The following IMPA2 variants were observed in gnomAD, a reference collection of about 807,000 sequenced individuals.
The protein encoded by IMPA2 is inositol monophosphatase 2.
A neutral mutation model predicts 35.1 loss-of-function variants in IMPA2; 32 were observed. The ratio of observed to expected loss-of-function variants is 0.91; its 90% CI spans 0.69 to 1.23. The LOEUF is 1.23. Ranked by LOEUF, IMPA2 falls within the 50% of genes most tolerant of loss-of-function variation. The probability of loss-of-function intolerance (pLI) is 0.00; values close to 1 mark genes in which losing one functional copy is unlikely to be tolerated. For synonymous variants in IMPA2, 135 were observed against 160.6 expected (o/e 0.84, Z 1.20); for missense variants, 334 against 387.6 (o/e 0.86, Z 1.16).
chr18:12,003,650 T>TAAA (rs77016043), intron 2 of IMPA2, among the ~76,000 whole-genome samples: 1 of 80,026 alleles, frequency 1.2e-5, no homozygotes, highest in African/African-American at 6.7e-5. Context: ...GACTCCATCT[T>TAAA]AAAAAAAAAA....
intron 5 of IMPA2, among the ~76,000 whole-genome samples, chr18:12,015,705 C>G (rs933569533): frequency 6.6e-6 from 1 of 152,226 alleles, no homozygotes; most frequent in Non-Finnish European, 1.5e-5. Flanking sequence ...CCTGCCTCAC[C>G]TTCCCTCTCC....
At chr18:12,008,837 A>ACG (rs1907352539) in intron 2 of IMPA2, among the ~76,000 whole-genome samples, 1 of 152,046 alleles carries the variant, frequency 6.6e-6, no homozygotes, top group African/African-American at 2.4e-5. Flanking sequence ...AGCAGGACAG[A>ACG]CGCACACTCA....
rs1320799079 is a variant in IMPA2 at position 12,030,654 on chromosome 18, GT to G, written c.*199del. The G allele has an allele frequency of 2.1e-5, 12 of 579,292 alleles. No homozygotes were observed. Among genetic ancestry groups the G allele is most frequent in the Non-Finnish European group, 3.7e-5 (12 of 325,272 alleles). The allele number at this position is 579,292 out of a possible 1,614,324, so 35.9% of individuals were successfully genotyped here. On this transcript the variant is annotated 3_prime_UTR_variant, in exon 8 of 8. Coordinates refer to ENST00000269159, the MANE Select transcript of IMPA2 (RefSeq NM_014214.3). ...TCTCACCAGGATTTGGTGTTTAGCT[GT>G]TTCTCTCTTTAATCTCACGTAGCCT...
intron 1 of IMPA2, among the ~76,000 whole-genome samples, chr18:11,993,508 A>G (rs998014513): frequency 6.6e-6 from 1 of 152,222 alleles, no homozygotes; most frequent in African/African-American, 2.4e-5. Flanking sequence ...TGTCGCTGGC[A>G]TCAGCACCCT....
chr18:11,983,194 C>G (rs934182804), intron 1 of IMPA2, among the ~76,000 whole-genome samples: 7 of 152,178 alleles, frequency 4.6e-5, no homozygotes, highest in Admixed American at 2.0e-4. Context: ...AAGGAGGACC[C>G]TAAACCTTCC....
intron 5 of IMPA2, among the ~76,000 whole-genome samples, chr18:12,027,671 G>A (rs1907920181): frequency 6.7e-6 from 1 of 149,296 alleles, no homozygotes; most frequent in Non-Finnish European, 1.5e-5. Context: ...GAACCCCTGG[G>A]CTCAACCAAT....
chr18:12,000,408 T>C (rs1474697594), intron 2 of IMPA2, among the ~76,000 whole-genome samples: 1 of 96,162 alleles, frequency 1.0e-5, no homozygotes, highest in Non-Finnish European at 1.9e-5. Context: ...ACTTACCTTC[T>C]TTTTTTTTCC....
chr18:12,026,007 T>C, intron 5 of IMPA2, among the ~76,000 whole-genome samples: 1 of 151,830 alleles, frequency 6.6e-6, no homozygotes, highest in Middle Eastern at 3.4e-3. Context: ...TTCCCCAGAT[T>C]ACCATATTAT....
intron 2 of IMPA2, among the ~76,000 whole-genome samples, chr18:11,999,974 T>G (rs976274418): frequency 1.2e-4 from 18 of 152,138 alleles, no homozygotes; most frequent in African/African-American, 4.3e-4. Context: ...CAAGGGATCT[T>G]TTTTCTTCGT....
chr18:12,003,917 G>A lies in IMPA2; in HGVS notation c.230+4730G>A, dbSNP rs112142624. On this transcript the variant is annotated intron_variant, in intron 2 of 7. Transcript: ENST00000269159. ...TGTCCCTTCTGTGGAGCAGCCTGTT[G>A]GAGCTTCTCTGGGTTGGCCTAGGCC... Among the ~76,000 whole-genome samples the A allele has an allele frequency of 7.0e-3, 1,060 of 152,358 alleles. 9 individuals are homozygous for A. Among genetic ancestry groups the A allele is most frequent in the African/African-American group, 0.023 (977 of 41,582 alleles).
intron 5 of IMPA2, among the ~76,000 whole-genome samples, chr18:12,019,493 C>T (rs1423824407): frequency 6.7e-6 from 1 of 150,174 alleles, no homozygotes; most frequent in East Asian, 2.0e-4. Flanking sequence ...GTCTCAAACT[C>T]CTGACCTGAA....
chr18:11,998,673 C>G (rs1408133982), intron 1 of IMPA2, among the ~76,000 whole-genome samples: 1 of 152,184 alleles, frequency 6.6e-6, no homozygotes, highest in Non-Finnish European at 1.5e-5. Flanking sequence ...TTGGGCCGTT[C>G]TTACAGAGGA....
At chr18:11,982,983 T>C (rs139648525) in intron 1 of IMPA2, among the ~76,000 whole-genome samples, 25 of 152,292 alleles carry the variant, frequency 1.6e-4, no homozygotes, top group Admixed American at 3.3e-4. Flanking sequence ...TGAGTCGTCA[T>C]AAAGTGGATA....
intron 1 of IMPA2, among the ~76,000 whole-genome samples, chr18:11,986,662 C>T (rs1212152013): frequency 6.6e-6 from 1 of 152,198 alleles, no homozygotes; most frequent in East Asian, 1.9e-4. Context: ...AGTGACGTAA[C>T]ACTGAAAGCA....
intron 2 of IMPA2, among the ~76,000 whole-genome samples, chr18:11,999,568 C>T (rs1040029532): frequency 6.6e-6 from 1 of 152,264 alleles, no homozygotes; most frequent in Non-Finnish European, 1.5e-5. Context: ...TGGCCTATGC[C>T]TGTTCAGCTG....
At chr18:12,027,899 A>G (rs539955007) in intron 5 of IMPA2, 144 bp from the exon 6 acceptor site, 13 of 600,364 alleles carry the variant, frequency 2.2e-5, no homozygotes, top group South Asian at 6.3e-5. Context: ...AGTTTTCAAC[A>G]TAGATATCAA....
intron 5 of IMPA2, among the ~76,000 whole-genome samples, chr18:12,021,440 T>C (rs1225541639): frequency 7.8e-6 from 1 of 127,654 alleles, no homozygotes; most frequent in Non-Finnish European, 1.7e-5. Flanking sequence ...ACAGAAGTTA[T>C]ATATCCAACA....
At chr18:11,994,981 T>TCAA in intron 1 of IMPA2, 1 of 152,414 alleles carries the variant, frequency 6.6e-6, no homozygotes, top group South Asian at 2.1e-4. Flanking sequence ...CTGAGGCGGT[T>TCAA]CCATCAGGAG....
At chr18:11,995,145 G>A (rs1906924754) in intron 1 of IMPA2, among the ~76,000 whole-genome samples, 1 of 152,206 alleles carries the variant, frequency 6.6e-6, no homozygotes, top group Admixed American at 6.5e-5. Context: ...AGAGGAGCAG[G>A]GGAAGTCTAG....
Sources: gnomAD v4.1 joint callset for allele counts (sites outside exome capture counted in the v4.1 genomes callset) on GRCh38, gnomAD v4.1.1 for gene constraint, MANE v1.5 for transcripts, NCBI Gene and HGNC (gene_info 2026-07-23, HGNC 2026-07-21) for gene names.